The following PPP4R2 variants were observed in gnomAD, a reference collection of about 807,000 sequenced individuals.
PPP4R2 encodes the protein protein phosphatase 4 regulatory subunit 2.
In PPP4R2, 13 loss-of-function variants were observed where a neutral mutation model predicts 47.2. That is an observed-to-expected ratio of 0.28 (90% confidence interval 0.18 to 0.44). PPP4R2 has a LOEUF of 0.44. PPP4R2 is among the 20% of genes least tolerant of loss of function. The pLI is 1.00. For synonymous variants in PPP4R2, 151 were observed against 163.3 expected (o/e 0.92, Z 0.57); for missense variants, 421 against 491.2 (o/e 0.86, Z 1.35).
At chr3:73,045,889 G>T (rs1304730321) in intron 2 of PPP4R2, among the ~76,000 whole-genome samples, 1 of 152,090 alleles carries the variant, frequency 6.6e-6, no homozygotes, top group East Asian at 1.9e-4. Flanking sequence ...TAGTTCAGCT[G>T]GCAGCGGTCT....
chr3:73,027,258 C>G (rs916516213), intron 2 of PPP4R2, among the ~76,000 whole-genome samples: 4 of 152,200 alleles, frequency 2.6e-5, no homozygotes, highest in African/African-American at 7.2e-5. Flanking sequence ...TCCCAAGTAG[C>G]TGGGACTACA....
chr3:73,018,295 G>A (rs562270960), intron 2 of PPP4R2, among the ~76,000 whole-genome samples: 4 of 152,118 alleles, frequency 2.6e-5, no homozygotes, highest in African/African-American at 4.8e-5. Context: ...TTTTGTATTC[G>A]TGGGTTCTAC....
At chr3:73,039,609 A>G (rs1702335918) in intron 2 of PPP4R2, among the ~76,000 whole-genome samples, 1 of 152,216 alleles carries the variant, frequency 6.6e-6, no homozygotes, top group Admixed American at 6.5e-5. Flanking sequence ...CCCAAGGAAC[A>G]TTTGATAATG....
rs1702985868 is a variant in PPP4R2 at position 73,065,930 on chromosome 3, T to A, written c.*208T>A. ...GGTCCTGCTTACCTTACCGCTGACTTTTCTTTCTTTCTTTTTTTGGTCTGG... is the reference window on the plus strand; with the variant it reads ...GGTCCTGCTTACCTTACCGCTGACTATTCTTTCTTTCTTTTTTTGGTCTGG... On this transcript the variant is annotated 3_prime_UTR_variant, in exon 9 of 9. Transcript: ENST00000356692. The A allele has an allele frequency of 2.9e-6, 1 of 348,440 alleles. No homozygotes were observed. Among genetic ancestry groups the A allele is most frequent in the Non-Finnish European group, 5.1e-6 (1 of 194,806 alleles). 21.6% of individuals were successfully genotyped at this position (348,440 alleles called of 1,614,324 possible).
chr3:73,040,771 C>T (rs1411246382), intron 2 of PPP4R2, among the ~76,000 whole-genome samples: 1 of 152,028 alleles, frequency 6.6e-6, no homozygotes, highest in African/African-American at 2.4e-5. Flanking sequence ...CCTCAGCCCC[C>T]GAAAGTGCTT....
chr3:72,997,616 C>T (rs965008441), intron 1 of PPP4R2, among the ~76,000 whole-genome samples: 1 of 152,190 alleles, frequency 6.6e-6, no homozygotes, highest in Admixed American at 6.5e-5. Flanking sequence ...CAGTGGCTTA[C>T]AAACTTCGAG....
intron 2 of PPP4R2, among the ~76,000 whole-genome samples, chr3:73,038,050 G>T (rs1043107451): frequency 6.6e-6 from 1 of 152,146 alleles, no homozygotes; most frequent in African/African-American, 2.4e-5. Context: ...TACCAACCCG[G>T]TCCTGTCTGA....
At position 73,063,987 on chromosome 3, in the gene PPP4R2, A is replaced by C; in HGVS notation, c.495-16A>C. On this transcript the variant is annotated splice_polypyrimidine_tract_variant and intron_variant, in intron 6 of 8. Coordinates refer to ENST00000356692, the MANE Select transcript of PPP4R2 (RefSeq NM_174907.4). ...TTTATAAAAATAGGAAATGATGTTC[A>C]TTTATCTTATTATAGGTCTAATATA... The C allele has an allele frequency of 1.3e-6, 2 of 1,571,942 alleles. No individual in the cohort carries two copies. Among genetic ancestry groups the C allele is most frequent in the Non-Finnish European group, 1.7e-6 (2 of 1,164,492 alleles).
chr3:73,031,267 C>T (rs974713924), intron 2 of PPP4R2, among the ~76,000 whole-genome samples: 10 of 152,104 alleles, frequency 6.6e-5, no homozygotes, highest in East Asian at 1.9e-4. Flanking sequence ...TGGCTGGGCG[C>T]GGTGGTTCAC....
At chr3:73,041,632 C>A (rs1702381810) in intron 2 of PPP4R2, among the ~76,000 whole-genome samples, 1 of 152,166 alleles carries the variant, frequency 6.6e-6, no homozygotes, top group Non-Finnish European at 1.5e-5. Context: ...TATTTGCTAT[C>A]CTTTGGAGTA....
intron 3 of PPP4R2, among the ~76,000 whole-genome samples, chr3:73,050,459 AT>A (rs1559564035): frequency 6.6e-6 from 1 of 151,488 alleles, no homozygotes; most frequent in East Asian, 1.9e-4. Context: ...TTTTTTATAT[AT>A]ATATAGTTTT....
At chr3:73,012,440 C>T (rs541201971) in intron 2 of PPP4R2, among the ~76,000 whole-genome samples, 4 of 152,214 alleles carry the variant, frequency 2.6e-5, no homozygotes, top group Admixed American at 6.5e-5. Flanking sequence ...GCTGGGACTA[C>T]GAGCGCCTGC....
chr3:73,064,817 A>T (rs1321488990), intron 7 of PPP4R2, 35 bp from the exon 8 acceptor site: 24 of 1,524,070 alleles, frequency 1.6e-5, no homozygotes, highest in Non-Finnish European at 1.9e-5. Flanking sequence ...GGGGAAAATA[A>T]TCTTATTAAT....
At chr3:73,064,357 T>C (rs1387877962) in intron 7 of PPP4R2, among the ~76,000 whole-genome samples, 1 of 152,190 alleles carries the variant, frequency 6.6e-6, no homozygotes, top group Non-Finnish European at 1.5e-5. Context: ...GGAGACTGTT[T>C]ATGTAGGGTC....
chr3:72,997,264 T>C (rs1415449040), intron 1 of PPP4R2, 193 bp downstream of exon 1: 3 of 424,294 alleles, frequency 7.1e-6, no homozygotes, highest in Non-Finnish European at 1.3e-5. Context: ...GCTCTGGCTT[T>C]GTGTCGGCCG....
intron 4 of PPP4R2, among the ~76,000 whole-genome samples, chr3:73,060,296 TA>T (rs1292759147): frequency 2.6e-5 from 4 of 152,238 alleles, no homozygotes; most frequent in African/African-American, 7.2e-5. Context: ...CATCAGTACT[TA>T]CTTTTCAGCT....
At chr3:73,051,017 C>T (rs746677216) in intron 3 of PPP4R2, among the ~76,000 whole-genome samples, 6 of 152,136 alleles carry the variant, frequency 3.9e-5, no homozygotes, top group Non-Finnish European at 7.4e-5. Flanking sequence ...TGGGTTCAGG[C>T]GATTCTCCTG....
chr3:73,016,812 TC>T (rs1701846744), intron 2 of PPP4R2, among the ~76,000 whole-genome samples: 1 of 105,258 alleles, frequency 9.5e-6, no homozygotes, highest in Admixed American at 9.0e-5. Context: ...GTTCATTGTT[TC>T]TTTTTTTTTT....
At chr3:73,051,730 A>G (rs1212015336) in intron 3 of PPP4R2, among the ~76,000 whole-genome samples, 1 of 152,072 alleles carries the variant, frequency 6.6e-6, no homozygotes, top group Non-Finnish European at 1.5e-5. Context: ...GGTTCATGCC[A>G]TTCTCCTGCC....
Sources: allele counts gnomAD v4.1 joint callset (sites outside exome capture counted in the v4.1 genomes callset), GRCh38; gene constraint gnomAD v4.1.1; transcripts MANE v1.5; gene names NCBI Gene and HGNC (gene_info 2026-07-23, HGNC 2026-07-21).